Variants in NRXN1 observed in about 807,000 individuals in gnomAD.
The protein encoded by NRXN1 is neurexin 1.
A neutral mutation model predicts 150.9 loss-of-function variants in NRXN1; 39 were observed. The observed-to-expected ratio is 0.26, with a 90% CI of 0.20 to 0.34. The LOEUF (loss-of-function observed/expected upper bound fraction) is 0.34. Ranked by LOEUF, NRXN1 falls within the 10% of genes least tolerant of loss-of-function variation. NRXN1 has a pLI of 1.00. For missense variants in NRXN1, 1,815 were observed against 1,949.9 expected (o/e 0.93, Z 1.30); for synonymous variants, 924 against 757.0 (o/e 1.22, Z -3.62).
intron 21 of NRXN1, among the ~76,000 whole-genome samples, chr2:50,001,872 A>T (rs1683985398): frequency 6.6e-6 from 1 of 151,944 alleles, no homozygotes; most frequent in South Asian, 2.1e-4. Context: ...TAAAATGGCA[A>T]ATGTTAGGCT....
chr2:50,193,569 C>T (rs1020010456), intron 18 of NRXN1, among the ~76,000 whole-genome samples: 5 of 152,144 alleles, frequency 3.3e-5, no homozygotes, highest in Non-Finnish European at 7.4e-5. Flanking sequence ...CCTGTCACTA[C>T]TGGCAGCATA....
chr2:50,873,037 A>G (rs547235977), intron 5 of NRXN1, among the ~76,000 whole-genome samples: 1 of 151,908 alleles, frequency 6.6e-6, no homozygotes, highest in African/African-American at 2.4e-5. Context: ...CCCCCATATG[A>G]TGTCTAAAAG....
chr2:50,160,186 T>C (rs1437872632), intron 18 of NRXN1, among the ~76,000 whole-genome samples: 1 of 100,258 alleles, frequency 1.0e-5, no homozygotes, highest in Non-Finnish European at 2.4e-5. Flanking sequence ...CAAGGATATA[T>C]GATTTTTTCT....
At chr2:50,079,103 GT>G (rs1697530088) in intron 19 of NRXN1, among the ~76,000 whole-genome samples, 1 of 151,804 alleles carries the variant, frequency 6.6e-6, no homozygotes, top group Non-Finnish European at 1.5e-5. Flanking sequence ...CTTTCTATCT[GT>G]TCAGTTACTT....
At chr2:50,838,145 C>A (rs1425173107) in intron 5 of NRXN1, among the ~76,000 whole-genome samples, 3 of 152,088 alleles carry the variant, frequency 2.0e-5, no homozygotes, top group African/African-American at 7.2e-5. Context: ...AATTTAAATA[C>A]TGAAATCCAT....
chr2:50,127,099 C>T (rs1380141807), intron 18 of NRXN1, among the ~76,000 whole-genome samples: 1 of 152,110 alleles, frequency 6.6e-6, no homozygotes, highest in South Asian at 2.1e-4. Flanking sequence ...AATTTAATAG[C>T]TTTGCTTTGC....
intron 18 of NRXN1, among the ~76,000 whole-genome samples, chr2:50,214,441 T>C (rs1365544854): frequency 6.6e-6 from 1 of 152,016 alleles, no homozygotes. Context: ...CTTTCAGCAT[T>C]TAATGAGTAA....
At chr2:50,928,356 T>A (rs1290137498) in intron 2 of NRXN1, among the ~76,000 whole-genome samples, 1 of 151,988 alleles carries the variant, frequency 6.6e-6, no homozygotes, top group African/African-American at 2.4e-5. Context: ...AATCTCAGAA[T>A]AAAAATCCTC....
In NRXN1 at chr2:50,318,851, A is replaced by T. The variant is rs190950892; in HGVS notation, c.3365-81881T>A. On this transcript the variant is annotated intron_variant, in intron 17 of 22. Coordinates refer to ENST00000401669, the MANE Select transcript of NRXN1 (RefSeq NM_001330078.2). ...AAGAGGGGCATACACAGTGCTTCAG[A>T]TAGGTACTGCTGTATTTATGTCATG... 3.3e-5 allele frequency among the ~76,000 whole-genome samples: 5 copies of T among 152,240 alleles called. No individual in the cohort carries two copies. The East Asian group carries it at 9.6e-4, about 29-fold the overall frequency.
At chr2:50,749,477 G>C (rs17041013) in intron 5 of NRXN1, among the ~76,000 whole-genome samples, 6,048 of 152,042 alleles carry the variant, frequency 0.04, 357 homozygotes, top group East Asian at 0.18. Context: ...AGGAATTAGT[G>C]CATAACCCTC....
At chr2:50,845,919 C>G (rs1673577804) in intron 5 of NRXN1, among the ~76,000 whole-genome samples, 1 of 152,192 alleles carries the variant, frequency 6.6e-6, no homozygotes, top group South Asian at 2.1e-4. Context: ...TGATGATTCT[C>G]TAGCAATAGC....
chr2:50,261,123 C>T (rs2068226571), intron 17 of NRXN1, among the ~76,000 whole-genome samples: 1 of 151,744 alleles, frequency 6.6e-6, no homozygotes, highest in South Asian at 2.1e-4. Flanking sequence ...TTAACTCTTT[C>T]TTCTAAATTG....
chr2:50,151,481 T>A (rs1051455995), intron 18 of NRXN1, among the ~76,000 whole-genome samples: 1 of 151,700 alleles, frequency 6.6e-6, no homozygotes, highest in African/African-American at 2.4e-5. Flanking sequence ...TAGATTTTCA[T>A]AGAGTGTTTA....
chr2:49,963,451 G>T (rs1676363973), intron 21 of NRXN1, among the ~76,000 whole-genome samples: 1 of 152,192 alleles, frequency 6.6e-6, no homozygotes, highest in Non-Finnish European at 1.5e-5. Context: ...TAAGAAAAGA[G>T]TTCCTCCACC....
intron 5 of NRXN1, among the ~76,000 whole-genome samples, chr2:50,764,567 T>C (rs1230924676): frequency 6.6e-6 from 1 of 152,010 alleles, no homozygotes; most frequent in Non-Finnish European, 1.5e-5. Flanking sequence ...ATTCCCCATG[T>C]GGTTATATGC....
chr2:50,416,358 C>T (rs1017484998), intron 17 of NRXN1, among the ~76,000 whole-genome samples: 11 of 152,008 alleles, frequency 7.2e-5, no homozygotes, highest in African/African-American at 2.4e-4. Context: ...CTGAGAAACA[C>T]TAATGTGACT....
intron 8 of NRXN1, among the ~76,000 whole-genome samples, chr2:50,609,856 A>G (rs1239051032): frequency 1.3e-5 from 2 of 152,138 alleles, no homozygotes; most frequent in South Asian, 2.1e-4. Context: ...CCTGGTACAT[A>G]GTCCATTGTC....
At chr2:50,432,396 C>A (rs560622523) in intron 17 of NRXN1, 3 of 152,218 alleles carry the variant, frequency 2.0e-5, no homozygotes, top group Non-Finnish European at 2.9e-5. Flanking sequence ...CACGTATTTA[C>A]ATCTCTGCAA....
chr2:50,769,561 G>A (rs578095573), intron 5 of NRXN1, among the ~76,000 whole-genome samples: 3 of 152,138 alleles, frequency 2.0e-5, no homozygotes, highest in African/African-American at 7.2e-5. Context: ...TCACCCCTCT[G>A]CAGAATGAGA....
Sources: gnomAD v4.1 joint callset for allele counts (sites outside exome capture counted in the v4.1 genomes callset) on GRCh38, gnomAD v4.1.1 for gene constraint, MANE v1.5 for transcripts, NCBI Gene and HGNC (gene_info 2026-07-23, HGNC 2026-07-21) for gene names.